SLCO5A1: variants seen among roughly 807,000 people sequenced by gnomAD.
SLCO5A1 encodes solute carrier organic anion transporter family member 5A1, also known as organic anion transporter polypeptide-related protein 4.
Under a neutral mutation model 65.1 loss-of-function variants are expected in SLCO5A1, and 39 were observed. The observed-to-expected ratio is 0.60, with a 90% CI of 0.46 to 0.78. SLCO5A1 has a LOEUF of 0.78. Among genes scored for constraint, SLCO5A1 ranks in the 30% least tolerant of loss-of-function variants. The pLI, the probability that SLCO5A1 is intolerant of heterozygous loss-of-function variation, is 0.00. For missense variants in SLCO5A1, 1,029 were observed against 1,069.4 expected (o/e 0.96, Z 0.53); for synonymous variants, 438 against 415.7 (o/e 1.05, Z -0.65).
intron 2 of SLCO5A1, among the ~76,000 whole-genome samples, chr8:69,820,966 T>A (rs1370553651): frequency 6.6e-6 from 1 of 152,142 alleles, no homozygotes; most frequent in Non-Finnish European, 1.5e-5. Context: ...CATGACCAGT[T>A]GTTGGTAGAG....
intron 3 of SLCO5A1, 99 bp from the exon 4 acceptor site, chr8:69,755,740 A>G: frequency 9.4e-7 from 1 of 1,068,710 alleles, no homozygotes; most frequent in Non-Finnish European, 1.3e-6. Flanking sequence ...ATTTTGAAGA[A>G]AACTTTTTGT....
chr8:69,711,450 G>T (rs1187809479), intron 5 of SLCO5A1, among the ~76,000 whole-genome samples: 1 of 152,158 alleles, frequency 6.6e-6, no homozygotes, highest in Non-Finnish European at 1.5e-5. Flanking sequence ...AGCAGGTGGG[G>T]AAAAGGCCAT....
intron 6 of SLCO5A1, among the ~76,000 whole-genome samples, chr8:69,703,009 G>A (rs13268590): frequency 0.11 from 16,340 of 151,550 alleles, 1,163 homozygotes; most frequent in Non-Finnish European, 0.16. Flanking sequence ...TACTTGGGAG[G>A]CTGAGGATAC....
At chr8:69,790,942 G>A (rs1459131363) in intron 2 of SLCO5A1, among the ~76,000 whole-genome samples, 4 of 152,196 alleles carry the variant, frequency 2.6e-5, no homozygotes, top group Non-Finnish European at 4.4e-5. Context: ...CAGGGGATTT[G>A]AAGAGAACAG....
chr8:69,744,184 G>T (rs1276225957), intron 4 of SLCO5A1, among the ~76,000 whole-genome samples: 10 of 152,092 alleles, frequency 6.6e-5, no homozygotes, highest in Admixed American at 6.5e-4. Context: ...TTGTTTTAAT[G>T]ATATATTTGA....
chr8:69,799,772 C>G (rs1363361362), intron 2 of SLCO5A1, among the ~76,000 whole-genome samples: 1 of 152,154 alleles, frequency 6.6e-6, no homozygotes, highest in Non-Finnish European at 1.5e-5. Flanking sequence ...TGTGAGAACT[C>G]ACTATCACAA....
chr8:69,724,438 T>A (rs915811306), intron 5 of SLCO5A1, among the ~76,000 whole-genome samples: 3 of 152,174 alleles, frequency 2.0e-5, no homozygotes, highest in Non-Finnish European at 4.4e-5. Flanking sequence ...CAAATAGAGA[T>A]AGGAGAAGAA....
At chr8:69,707,045 G>T (rs1815002397) in intron 5 of SLCO5A1, among the ~76,000 whole-genome samples, 2 of 152,092 alleles carry the variant, frequency 1.3e-5, no homozygotes, top group Non-Finnish European at 2.9e-5. Flanking sequence ...CTACTCAGGA[G>T]ACTGAGACAG....
intron 3 of SLCO5A1, among the ~76,000 whole-genome samples, chr8:69,757,093 G>A (rs1457755119): frequency 2.6e-5 from 4 of 152,214 alleles, no homozygotes; most frequent in African/African-American, 9.6e-5. Context: ...TTAAAGTGCT[G>A]TTATCAGCTG....
chr8:69,801,869 A>G (rs1819753121), intron 2 of SLCO5A1, among the ~76,000 whole-genome samples: 1 of 152,220 alleles, frequency 6.6e-6, no homozygotes, highest in South Asian at 2.1e-4. Context: ...GCCAGGTCCC[A>G]CATTCACAAA....
intron 4 of SLCO5A1, among the ~76,000 whole-genome samples, chr8:69,747,378 A>T (rs1055212047): frequency 2.6e-5 from 4 of 152,058 alleles, no homozygotes; most frequent in African/African-American, 9.7e-5. Flanking sequence ...GCATCCATGG[A>T]TTCTGCATCC....
At chr8:69,675,303 T>C (rs764474183) in intron 9 of SLCO5A1, among the ~76,000 whole-genome samples, 5 of 151,274 alleles carry the variant, frequency 3.3e-5, no homozygotes, top group Non-Finnish European at 7.4e-5. Flanking sequence ...GCCTCCTGAG[T>C]AGTTGGGATT....
intron 4 of SLCO5A1, among the ~76,000 whole-genome samples, chr8:69,750,401 T>A (rs1284608274): frequency 6.6e-6 from 1 of 152,034 alleles, no homozygotes; most frequent in East Asian, 1.9e-4. Context: ...CCTCTTTGAG[T>A]GCTACCAAAC....
At chr8:69,684,344 C>T (rs1017212670) in intron 6 of SLCO5A1, among the ~76,000 whole-genome samples, 10 of 152,128 alleles carry the variant, frequency 6.6e-5, no homozygotes, top group African/African-American at 1.7e-4. Context: ...AGGAGATCAG[C>T]GGGACCTGCT....
intron 4 of SLCO5A1, among the ~76,000 whole-genome samples, chr8:69,743,912 T>C (rs1413838881): frequency 1.3e-5 from 2 of 151,756 alleles, no homozygotes; most frequent in Non-Finnish European, 2.9e-5. Context: ...AGGCAGGGAG[T>C]ATGAAGATTT....
chr8:69,760,156 C>T (rs1817705242), intron 3 of SLCO5A1, among the ~76,000 whole-genome samples: 1 of 152,150 alleles, frequency 6.6e-6, no homozygotes, highest in African/African-American at 2.4e-5. Context: ...GCTGGATGTT[C>T]ATAAATAGAG....
At chr8:69,762,795 T>C (rs1318698001) in intron 2 of SLCO5A1, among the ~76,000 whole-genome samples, 1 of 152,244 alleles carries the variant, frequency 6.6e-6, no homozygotes, top group East Asian at 1.9e-4. Flanking sequence ...TTAAATAAGA[T>C]GTTACAATGC....
At chr8:69,775,093 A>G (rs913696437) in intron 2 of SLCO5A1, among the ~76,000 whole-genome samples, 1 of 152,172 alleles carries the variant, frequency 6.6e-6, no homozygotes, top group African/African-American at 2.4e-5. Flanking sequence ...CACGGCAGTC[A>G]GGGAATAGTC....
chr8:69,814,705 TCAAGGAGATATTTGCATTCC>T (rs1326038495), intron 2 of SLCO5A1, among the ~76,000 whole-genome samples: 4 of 152,150 alleles, frequency 2.6e-5, no homozygotes, highest in Non-Finnish European at 4.4e-5. Context: ...AATCACTTTG[TCAAGGAGATATTTGCATTCC>T]CATGTTCACT....
Sources: allele counts gnomAD v4.1 joint callset (sites outside exome capture counted in the v4.1 genomes callset), GRCh38; gene constraint gnomAD v4.1.1; transcripts MANE v1.5; gene names NCBI Gene and HGNC (gene_info 2026-07-23, HGNC 2026-07-21).